The following THRB variants were observed in gnomAD, a reference collection of about 807,000 sequenced individuals.
THRB encodes thyroid hormone receptor beta, also known as nuclear receptor subfamily 1 group A member 2.
THRB carries 12 observed loss-of-function variants against 47.8 expected under a neutral mutation model. The observed-to-expected ratio is 0.25, with a 90% CI of 0.16 to 0.41. The LOEUF is 0.41. Ranked by LOEUF, THRB falls within the 10% of genes least tolerant of loss-of-function variation. THRB has a pLI of 1.00. For synonymous variants in THRB, 218 were observed against 212.2 expected (o/e 1.03, Z -0.24); for missense variants, 348 against 589.2 (o/e 0.59, Z 4.24).
At chr3:24,287,063 G>A (rs1479567481) in intron 3 of THRB, among the ~76,000 whole-genome samples, 1 of 152,208 alleles carries the variant, frequency 6.6e-6, no homozygotes, top group Non-Finnish European at 1.5e-5. Flanking sequence ...AGGCCCCAAA[G>A]CTTGTGGAAA....
At chr3:24,322,870 C>T (rs2058572623) in intron 2 of THRB, among the ~76,000 whole-genome samples, 1 of 152,142 alleles carries the variant, frequency 6.6e-6, no homozygotes, top group Non-Finnish European at 1.5e-5. Context: ...AGATTAGCTC[C>T]ATCTCTCCTA....
At chr3:24,428,220 CA>C (rs1193528014) in intron 1 of THRB, among the ~76,000 whole-genome samples, 2 of 152,028 alleles carry the variant, frequency 1.3e-5, no homozygotes, top group Admixed American at 6.6e-5. Context: ...CTCCTGCTGT[CA>C]ATAAACAAAA....
intron 3 of THRB, among the ~76,000 whole-genome samples, chr3:24,285,870 TTG>T (rs1559832553): frequency 6.6e-6 from 1 of 152,202 alleles, no homozygotes; most frequent in Non-Finnish European, 1.5e-5. Context: ...GGCTAAATGT[TTG>T]TGTCTTCCTC....
At chr3:24,325,641 T>C (rs763406102) in intron 2 of THRB, among the ~76,000 whole-genome samples, 6 of 151,548 alleles carry the variant, frequency 4.0e-5, no homozygotes, top group Non-Finnish European at 8.8e-5. Context: ...GAATTGAGAT[T>C]ATGCCACTGC....
rs913265476 is a variant in THRB at position 24,335,482 on chromosome 3, C to T, written c.-189+1818G>A. On this transcript the variant is annotated intron_variant, in intron 2 of 10. Transcript: ENST00000646209. ...AATATTTGGCTACAGTATTTTCATT[C>T]ACTAAATGCCGAATTTATGTTTTCT... is the stretch of plus-strand genomic sequence containing the variant. Among the ~76,000 whole-genome samples the T allele has an allele frequency of 7.2e-5, 11 of 152,316 alleles. No homozygotes were observed. The East Asian group carries it at 2.1e-3, about 29-fold the overall frequency.
chr3:24,267,756 C>T (rs935286565), intron 3 of THRB, among the ~76,000 whole-genome samples: 1 of 152,192 alleles, frequency 6.6e-6, no homozygotes, highest in African/African-American at 2.4e-5. Flanking sequence ...ACTGACCACA[C>T]TCTGCCCCTT....
At chr3:24,171,895 C>T (rs2040490501) in intron 5 of THRB, among the ~76,000 whole-genome samples, 1 of 152,130 alleles carries the variant, frequency 6.6e-6, no homozygotes. Context: ...TAAATGAACA[C>T]CATGGCTACT....
At chr3:24,288,873 A>G (rs2055621605) in intron 3 of THRB, among the ~76,000 whole-genome samples, 1 of 152,254 alleles carries the variant, frequency 6.6e-6, no homozygotes, top group Non-Finnish European at 1.5e-5. Flanking sequence ...ATTTACAAAC[A>G]CACACCATTT....
At chr3:24,449,523 T>A (rs2072433449) in intron 1 of THRB, among the ~76,000 whole-genome samples, 1 of 152,202 alleles carries the variant, frequency 6.6e-6, no homozygotes, top group African/African-American at 2.4e-5. Flanking sequence ...TCCTGCTTAT[T>A]AATAGACCAA....
At chr3:24,203,447 AG>A (rs2044845960) in intron 4 of THRB, among the ~76,000 whole-genome samples, 1 of 152,154 alleles carries the variant, frequency 6.6e-6, no homozygotes. Context: ...CTAAATGAAT[AG>A]GGTTGTCTCA....
chr3:24,166,038 T>C (rs2039602012), intron 5 of THRB, among the ~76,000 whole-genome samples: 1 of 152,216 alleles, frequency 6.6e-6, no homozygotes, highest in African/African-American at 2.4e-5. Context: ...TGGGTTTTCA[T>C]ACTAGGATCC....
intron 4 of THRB, among the ~76,000 whole-genome samples, chr3:24,219,919 G>C (rs568459254): frequency 2.0e-5 from 3 of 152,156 alleles, no homozygotes; most frequent in African/African-American, 7.2e-5. Flanking sequence ...CACCAGATGC[G>C]TAGCGGAATC....
intron 1 of THRB, among the ~76,000 whole-genome samples, chr3:24,492,734 T>G (rs1396210830): frequency 6.6e-6 from 1 of 152,242 alleles, no homozygotes; most frequent in Non-Finnish European, 1.5e-5. Flanking sequence ...TGGCAGAATT[T>G]ACTACAAAGA....
In THRB at chr3:24,488,896, T is replaced by C. The variant is rs73823339; in HGVS notation, c.-261+5756A>G. Among the ~76,000 whole-genome samples the C allele has an allele frequency of 7.1e-3, 1,081 of 152,306 alleles. 12 individuals are homozygous for C. Among genetic ancestry groups the C allele is most frequent in the African/African-American group, 0.02 (818 of 41,554 alleles). ...TAAATTATTTTGCCATAAAAGATTTTTTAAATAAAAAATATTGCTTCTTAG... is the reference window on the plus strand; with the variant it reads ...TAAATTATTTTGCCATAAAAGATTTCTTAAATAAAAAATATTGCTTCTTAG... On this transcript the variant is annotated intron_variant, in intron 1 of 10. Coordinates refer to ENST00000646209, the MANE Select transcript of THRB (RefSeq NM_001354712.2).
At chr3:24,418,428 C>T (rs2068944777) in intron 1 of THRB, among the ~76,000 whole-genome samples, 1 of 151,742 alleles carries the variant, frequency 6.6e-6, no homozygotes, top group Non-Finnish European at 1.5e-5. Context: ...TTTAATCAAA[C>T]TATTTGTATT....
At chr3:24,484,645 C>T (rs887306641) in intron 1 of THRB, among the ~76,000 whole-genome samples, 2 of 152,146 alleles carry the variant, frequency 1.3e-5, no homozygotes, top group African/African-American at 2.4e-5. Context: ...TATAGCTCAT[C>T]GCCTGTTTTG....
At chr3:24,484,181 T>A (rs535795153) in intron 1 of THRB, 1 of 152,362 alleles carries the variant, frequency 6.6e-6, no homozygotes, top group South Asian at 2.1e-4. Context: ...TTTGAGCTAC[T>A]GTGCATTTTT....
chr3:24,366,661 A>C (rs947339321), intron 1 of THRB, among the ~76,000 whole-genome samples: 1 of 133,868 alleles, frequency 7.5e-6, no homozygotes, highest in Admixed American at 8.5e-5. Context: ...TCTCTCTGTC[A>C]CCAGGCTGGA....
chr3:24,225,800 G>T (rs73037700), intron 4 of THRB, among the ~76,000 whole-genome samples: 14,731 of 152,098 alleles, frequency 0.097, 786 homozygotes, highest in Non-Finnish European at 0.13. Flanking sequence ...ATAAAATATT[G>T]TATCAAGGTA....
Sources: allele counts gnomAD v4.1 joint callset (sites outside exome capture counted in the v4.1 genomes callset), GRCh38; gene constraint gnomAD v4.1.1; transcripts MANE v1.5; gene names NCBI Gene and HGNC (gene_info 2026-07-23, HGNC 2026-07-21).